Variants in CYP39A1 observed in about 807,000 individuals in gnomAD.
The protein encoded by CYP39A1 is cytochrome P450 family 39 subfamily A member 1, also known as 24-hydroxycholesterol 7-alpha-hydroxylase.
A neutral mutation model predicts 58.1 loss-of-function variants in CYP39A1; 49 were observed. The observed-to-expected ratio is 0.84, with a 90% CI of 0.67 to 1.07. CYP39A1 has a LOEUF of 1.07. Ranked by LOEUF, CYP39A1 falls within the 50% of genes least tolerant of loss-of-function variation. CYP39A1 has a pLI of 0.00. For synonymous variants in CYP39A1, 209 were observed against 187.6 expected (o/e 1.11, Z -0.93); for missense variants, 531 against 539.4 (o/e 0.98, Z 0.16).
At chr6:46,568,925 A>G (rs1771436319) in intron 10 of CYP39A1, among the ~76,000 whole-genome samples, 1 of 151,848 alleles carries the variant, frequency 6.6e-6, no homozygotes, top group South Asian at 2.1e-4. Context: ...TCTGCCAAAA[A>G]AAAAATAACA....
chr6:46,600,963 G>C (rs187337837), intron 7 of CYP39A1, among the ~76,000 whole-genome samples: 1 of 152,144 alleles, frequency 6.6e-6, no homozygotes, highest in Non-Finnish European at 1.5e-5. Context: ...ATTTCAATGG[G>C]CATCTGAAGT....
chr6:46,565,487 TA>T lies in CYP39A1; in HGVS notation c.1251-11634del, dbSNP rs574574649. Among the ~76,000 whole-genome samples the T allele has an allele frequency of 1.5e-3, 211 of 144,116 alleles. 1 individual carries two copies. The highest frequency in any genetic ancestry group is 2.2e-3 in the Non-Finnish European group (144 of 66,788). 94.5% of individuals were successfully genotyped at this position (144,116 alleles called of 152,430 possible). The stretch of plus-strand genomic sequence containing the variant: ...GAATGAGAAGGAAAAGAAGAAAACA[TA>T]AAAAAAAGAAGAAAATGGGAAATAA... On this transcript the variant is annotated intron_variant, in intron 10 of 11. Transcript: ENST00000275016.
chr6:46,561,460 A>G (rs916763957), intron 10 of CYP39A1, among the ~76,000 whole-genome samples: 1 of 152,092 alleles, frequency 6.6e-6, no homozygotes, highest in Non-Finnish European at 1.5e-5. Flanking sequence ...TACACTTGGC[A>G]GAGAGAAAAT....
At chr6:46,573,727 G>T (rs1582315145) in intron 10 of CYP39A1, among the ~76,000 whole-genome samples, 1 of 152,246 alleles carries the variant, frequency 6.6e-6, no homozygotes, top group Non-Finnish European at 1.5e-5. Flanking sequence ...AACATCTATG[G>T]CACCTGGAGA....
At chr6:46,571,034 C>T (rs9381464) in intron 10 of CYP39A1, among the ~76,000 whole-genome samples, 30,408 of 151,990 alleles carry the variant, frequency 0.2, 3,153 homozygotes, top group African/African-American at 0.21. Flanking sequence ...GTGAATGTTC[C>T]AGTTTTCCTC....
chr6:46,651,090 ACTT>A (rs1582482177), intron 1 of CYP39A1, among the ~76,000 whole-genome samples: 1 of 152,344 alleles, frequency 6.6e-6, no homozygotes, highest in African/African-American at 2.4e-5. Context: ...GCATATTCAT[ACTT>A]CTTTTTCCAA....
intron 5 of CYP39A1, among the ~76,000 whole-genome samples, chr6:46,632,989 T>G (rs951084758): frequency 3.3e-5 from 5 of 152,224 alleles, no homozygotes; most frequent in Admixed American, 2.6e-4. Flanking sequence ...TGCTATTATT[T>G]ACTAAAGCAT....
Position 46,550,367 on chromosome 6 carries a change from C to T in CYP39A1, c.1409G>A (p.Ter470=). The change falls in exon 12 of 12, where the codon TGA becomes TAA. Residue 470 remains the stop codon, a stop_retained_variant. Coordinates refer to ENST00000275016, the MANE Select transcript of CYP39A1 (RefSeq NM_016593.5). ...GGTCCTTGTGAGGCCCAACAGATGT[C>T]ATATTCTTTGTTTATATTCAATTCG... ...QCRIEYKQRI[*] The T allele has an allele frequency of 6.2e-7, 1 of 1,612,678 alleles. No individual in the cohort carries two copies. The highest frequency in any genetic ancestry group is 8.5e-7 in the Non-Finnish European group (1 of 1,179,352).
intron 6 of CYP39A1, among the ~76,000 whole-genome samples, chr6:46,625,777 A>G (rs1775277374): frequency 6.6e-6 from 1 of 152,050 alleles, no homozygotes; most frequent in Admixed American, 6.6e-5. Flanking sequence ...TCTTCACTAA[A>G]AATGAGAAAA....
At chr6:46,579,953 C>T (rs916349573) in intron 10 of CYP39A1, among the ~76,000 whole-genome samples, 3 of 152,102 alleles carry the variant, frequency 2.0e-5, no homozygotes, top group Admixed American at 6.6e-5. Flanking sequence ...ATATTCAATG[C>T]TATTCCTATC....
At chr6:46,604,916 T>A (rs1773743649) in intron 7 of CYP39A1, among the ~76,000 whole-genome samples, 1 of 152,038 alleles carries the variant, frequency 6.6e-6, no homozygotes, top group Admixed American at 6.5e-5. Flanking sequence ...AGGTATCCAA[T>A]CTTTTGGCTT....
intron 5 of CYP39A1, among the ~76,000 whole-genome samples, chr6:46,631,556 T>C (rs1001261622): frequency 4.6e-5 from 7 of 152,194 alleles, no homozygotes; most frequent in Non-Finnish European, 8.8e-5. Context: ...GGAATCCCTG[T>C]CTTATAAACC....
intron 2 of CYP39A1, among the ~76,000 whole-genome samples, chr6:46,641,310 A>AT (rs1236181488): frequency 6.6e-6 from 1 of 152,138 alleles, no homozygotes; most frequent in Non-Finnish European, 1.5e-5. Context: ...AAATAATCAA[A>AT]TAATTTCACC....
Position 46,571,558 on chromosome 6 carries a change from CATTT to C in CYP39A1, c.1250+15515_1250+15518del, listed in dbSNP as rs56818174. Among the ~76,000 whole-genome samples, 1,212 of 152,160 alleles carry C rather than the reference CATTT, an allele frequency of 8.0e-3. 20 individuals carry two copies. Among genetic ancestry groups the C allele is most frequent in the African/African-American group, 0.028 (1,146 of 41,528 alleles). On this transcript the variant is annotated intron_variant, in intron 10 of 11. Coordinates refer to ENST00000275016, the MANE Select transcript of CYP39A1 (RefSeq NM_016593.5). ...GCTAACTCTGCTGTCTTTTGGTTTACATTTACATGGAATATCTTTTTCCATCCCC... is the reference window on the plus strand; with the variant it reads ...GCTAACTCTGCTGTCTTTTGGTTTACACATGGAATATCTTTTTCCATCCCC...
chr6:46,599,292 A>G (rs1010663540), intron 7 of CYP39A1, among the ~76,000 whole-genome samples: 3 of 151,846 alleles, frequency 2.0e-5, no homozygotes, highest in Non-Finnish European at 4.4e-5. Context: ...CTATAGGAGC[A>G]CAGCGGTGAC....
At chr6:46,652,070 T>G (rs1762727382) in intron 1 of CYP39A1, among the ~76,000 whole-genome samples, 1 of 152,210 alleles carries the variant, frequency 6.6e-6, no homozygotes, top group African/African-American at 2.4e-5. Context: ...CAAACTTAAA[T>G]TGGATTACAC....
intron 10 of CYP39A1, among the ~76,000 whole-genome samples, chr6:46,564,967 A>G (rs1360323526): frequency 6.6e-6 from 1 of 152,210 alleles, no homozygotes; most frequent in African/African-American, 2.4e-5. Flanking sequence ...GAAATCTTTT[A>G]GGAAAATAAA....
chr6:46,638,728 C>T (rs1270891003), intron 3 of CYP39A1, among the ~76,000 whole-genome samples: 1 of 152,096 alleles, frequency 6.6e-6, no homozygotes, highest in Non-Finnish European at 1.5e-5. Flanking sequence ...CCCCCTACTA[C>T]TGGACCTCTA....
intron 7 of CYP39A1, among the ~76,000 whole-genome samples, chr6:46,607,982 T>C (rs1047435735): frequency 3.3e-5 from 5 of 152,126 alleles, no homozygotes; most frequent in Non-Finnish European, 5.9e-5. Flanking sequence ...CAAAAGATCA[T>C]AGTGCACATG....
Sources: gnomAD v4.1 joint callset for allele counts (sites outside exome capture counted in the v4.1 genomes callset) on GRCh38, gnomAD v4.1.1 for gene constraint, MANE v1.5 for transcripts, NCBI Gene and HGNC (gene_info 2026-07-23, HGNC 2026-07-21) for gene names.